The following EVC2 variants were observed in gnomAD, a reference collection of about 807,000 sequenced individuals.
EVC2 encodes the protein limbin.
A neutral mutation model predicts 149.3 loss-of-function variants in EVC2; 148 were observed. That is an observed-to-expected ratio of 0.99 (90% CI 0.87 to 1.14). The LOEUF (loss-of-function observed/expected upper bound fraction) is 1.14. EVC2 is among the 50% of genes most tolerant of loss of function. The pLI is 0.00. For missense variants in EVC2, 1,854 were observed against 1,627.3 expected (o/e 1.14, Z -2.40); for synonymous variants, 776 against 649.9 (o/e 1.19, Z -2.95).
intron 9 of EVC2, among the ~76,000 whole-genome samples, chr4:5,647,521 C>T (rs552862721): frequency 5.3e-5 from 8 of 152,264 alleles, no homozygotes; most frequent in African/African-American, 1.9e-4. Flanking sequence ...GTCTATGCAA[C>T]GAGCGCTTTG....
intron 19 of EVC2, among the ~76,000 whole-genome samples, chr4:5,570,094 T>C (rs992902272): frequency 2.0e-5 from 3 of 152,158 alleles, no homozygotes; most frequent in Admixed American, 6.5e-5. Context: ...TGATCTCACA[T>C]TGGTTTTAAC....
intron 10 of EVC2, among the ~76,000 whole-genome samples, chr4:5,639,780 A>G (rs747971): frequency 0.44 from 67,000 of 152,152 alleles, 15,007 homozygotes; most frequent in East Asian, 0.55. Context: ...TCTGCTATGA[A>G]TGAAGCCTTT....
At chr4:5,584,911 G>T in intron 16 of EVC2, 61 bp from the exon 17 acceptor site, 1 of 1,564,816 alleles carries the variant, frequency 6.4e-7, no homozygotes, top group Non-Finnish European at 8.8e-7. Flanking sequence ...GGGTGGAGGA[G>T]AACAAACAGC....
chr4:5,530,579 CAGCA>C, the EVC2 span, among the ~76,000 whole-genome samples: 1 of 152,088 alleles, frequency 6.6e-6, no homozygotes, highest in African/African-American at 2.4e-5. Context: ...ACCAAATGTT[CAGCA>C]TACAATACAA....
chr4:5,542,836 C>T (rs569794117), exon 23 of EVC2: 177 of 278,250 alleles, frequency 6.4e-4, no homozygotes, highest in African/African-American at 3.6e-3. Flanking sequence ...ATTGTGTCAG[C>T]GCAGTGTGCC....
chr4:5,672,240 C>T (rs1034771185), intron 7 of EVC2, among the ~76,000 whole-genome samples: 2 of 152,026 alleles, frequency 1.3e-5, no homozygotes, highest in Non-Finnish European at 2.9e-5. Context: ...AGGGGGAGGG[C>T]GAGCCTGGAG....
At position 5,637,815 on chromosome 4, in the gene EVC2, T is replaced by G. The variant is rs186463582; in HGVS notation, c.1470+2699A>C. 3.0e-3 allele frequency among the ~76,000 whole-genome samples: 454 copies of G among 152,074 alleles called. 2 individuals carry two copies. The highest frequency in any genetic ancestry group is 0.01 in the African/African-American group (431 of 41,512). On this transcript the variant is annotated intron_variant, in intron 10 of 21. Transcript: ENST00000344408. This position sits in a 1 kb window ranked among gnomAD's most constrained non-coding sequence, Gnocchi z 4.4. ...GTGGGATGGGCTTCTCTCTTTTTTT[T>G]TTTTTTCAGGGCTTTTTCTTTTTCA... is the stretch of plus-strand genomic sequence containing the variant.
At chr4:5,658,377 T>A (rs560558551) in intron 9 of EVC2, among the ~76,000 whole-genome samples, 1 of 152,374 alleles carries the variant, frequency 6.6e-6, no homozygotes, top group East Asian at 1.9e-4. Flanking sequence ...ATCATTTCTC[T>A]AAAGTGTTTA....
intron 9 of EVC2, among the ~76,000 whole-genome samples, chr4:5,658,906 A>C (rs1321185737): frequency 6.6e-6 from 1 of 152,206 alleles, no homozygotes; most frequent in Non-Finnish European, 1.5e-5. Flanking sequence ...AGAAGCTTCC[A>C]GGACCAGCCA....
intron 21 of EVC2, among the ~76,000 whole-genome samples, chr4:5,548,745 A>AT (rs1336701708): frequency 6.6e-6 from 1 of 152,166 alleles, no homozygotes; most frequent in East Asian, 1.9e-4. Flanking sequence ...TTCAGATATC[A>AT]TTTTTTGTGC....
At chr4:5,594,816 C>T (rs1278834879) in intron 16 of EVC2, among the ~76,000 whole-genome samples, 2 of 152,038 alleles carry the variant, frequency 1.3e-5, no homozygotes, top group East Asian at 3.9e-4. Context: ...AAGTTGAAAA[C>T]TTTGAAAAAA....
intron 20 of EVC2, among the ~76,000 whole-genome samples, chr4:5,566,497 C>T (rs746936152): frequency 6.6e-6 from 1 of 152,314 alleles, no homozygotes; most frequent in South Asian, 2.1e-4. Flanking sequence ...CCTCAATACA[C>T]CCCATTCTTG....
downstream of EVC2, among the ~76,000 whole-genome samples, chr4:5,539,264 T>C (rs959600229): frequency 2.6e-5 from 4 of 152,192 alleles, no homozygotes; most frequent in Admixed American, 2.0e-4. Context: ...CTGTAAAACA[T>C]TGCTGAAGGA....
At position 5,686,433 on chromosome 4, in the gene EVC2, CG is replaced by C. The variant is rs1433409850; in HGVS notation, c.707-955del. On this transcript the variant is annotated intron_variant, in intron 5 of 21. Transcript: ENST00000344408. This position sits in a 1 kb window ranked among gnomAD's most constrained non-coding sequence, Gnocchi z 5.4. ...ATAATGGCAGTGACAATGACAATGA[CG>C]GGGAAAGAAGTCATAGTCAGACCTT... Among the ~76,000 whole-genome samples the C allele has an allele frequency of 6.6e-6, 1 of 152,084 alleles. No homozygotes were observed. The highest frequency in any genetic ancestry group is 1.5e-5 in the Non-Finnish European group (1 of 68,032).
chr4:5,561,469 A>G (rs13113867), downstream of EVC2, among the ~76,000 whole-genome samples: 83,408 of 152,052 alleles, frequency 0.55, 24,281 homozygotes, highest in Non-Finnish European at 0.66. Context: ...GCACCTTTCT[A>G]CCAATGCAGT....
In EVC2 at chr4:5,562,832, A is replaced by C. The variant is rs1459870377; in HGVS notation, c.*16T>G. ...CCCTTCTCTCTTCAGATGCTCCCGC[A>C]GGTCTTTCCCTTGGGCTAGTCCATG... On this transcript the variant is annotated 3_prime_UTR_variant, in exon 22 of 22. Coordinates refer to ENST00000344408, the MANE Select transcript of EVC2 (RefSeq NM_147127.5). This position sits in a 1 kb window ranked among gnomAD's most constrained non-coding sequence, Gnocchi z 4.3. 1 of 1,613,344 alleles carries C rather than the reference A, an allele frequency of 6.2e-7. No homozygotes were observed. The highest frequency in any genetic ancestry group is 1.1e-5 in the South Asian group (1 of 91,058).
intron 15 of EVC2, among the ~76,000 whole-genome samples, chr4:5,616,986 T>G (rs775653305): frequency 6.6e-6 from 1 of 152,180 alleles, no homozygotes; most frequent in African/African-American, 2.4e-5. Flanking sequence ...AAGTGAAAAT[T>G]ATTTTCCCCC....
At chr4:5,682,185 G>A (rs956643287) in intron 6 of EVC2, among the ~76,000 whole-genome samples, 21 of 152,158 alleles carry the variant, frequency 1.4e-4, no homozygotes, top group African/African-American at 4.8e-4. Flanking sequence ...ATTAGCAGCA[G>A]CAGCAGCAGT....
intron 9 of EVC2, among the ~76,000 whole-genome samples, chr4:5,650,932 A>G (rs1258043504): frequency 1.3e-5 from 2 of 152,002 alleles, no homozygotes; most frequent in African/African-American, 2.4e-5. Flanking sequence ...GTGACTTCTC[A>G]TTGTTGTTGC....
Sources: allele counts gnomAD v4.1 joint callset (sites outside exome capture counted in the v4.1 genomes callset), GRCh38; gene constraint gnomAD v4.1.1; non-coding constraint Gnocchi (gnomAD v3.1); transcripts MANE v1.5; gene names NCBI Gene and HGNC (gene_info 2026-07-23, HGNC 2026-07-21).